The following TMEM132D variants were observed in gnomAD, a reference collection of about 807,000 sequenced individuals.
TMEM132D encodes the protein mature OL transmembrane protein.
A neutral mutation model predicts 62.3 loss-of-function variants in TMEM132D; 21 were observed. The ratio of observed to expected loss-of-function variants is 0.34; its 90% CI spans 0.24 to 0.49. TMEM132D has a LOEUF of 0.49. Ranked by LOEUF, TMEM132D falls within the 20% of genes least tolerant of loss-of-function variation. The pLI is 0.99. For synonymous variants in TMEM132D, 621 were observed against 575.6 expected (o/e 1.08, Z -1.13); for missense variants, 1,346 against 1,402.8 (o/e 0.96, Z 0.65).
intron 5 of TMEM132D, among the ~76,000 whole-genome samples, chr12:129,122,214 C>T (rs916650782): frequency 1.3e-5 from 2 of 152,244 alleles, no homozygotes; most frequent in Admixed American, 6.5e-5. Flanking sequence ...GCAGAGCTCA[C>T]CTTCCTTCCT....
In TMEM132D at chr12:129,690,011, T is replaced by C. The variant is rs114159924; in HGVS notation, c.968+9799A>G. On this transcript the variant is annotated intron_variant, in intron 2 of 8. Transcript: ENST00000422113. Reference sequence around the variant, plus strand: ...TAAAATAATTTTTTCTTTTTCTTAATTGATCAACATATACTGTTTGTTTAA... The same window carrying C: ...TAAAATAATTTTTTCTTTTTCTTAACTGATCAACATATACTGTTTGTTTAA... Among the ~76,000 whole-genome samples, 888 of 152,294 alleles carry C rather than the reference T, an allele frequency of 5.8e-3. 11 individuals carry two copies. Among genetic ancestry groups the C allele is most frequent in the African/African-American group, 0.02 (843 of 41,558 alleles).
At chr12:129,118,115 T>G (rs1230676467) in intron 5 of TMEM132D, among the ~76,000 whole-genome samples, 1 of 152,262 alleles carries the variant, frequency 6.6e-6, no homozygotes, top group Non-Finnish European at 1.5e-5. Flanking sequence ...GCCACCTTGG[T>G]ATGTTCTGTG....
intron 1 of TMEM132D, among the ~76,000 whole-genome samples, chr12:129,752,323 G>A (rs1870026490): frequency 1.3e-5 from 2 of 152,150 alleles, no homozygotes; most frequent in Admixed American, 6.5e-5. Flanking sequence ...CCAAGAGTGT[G>A]AGACTTAAGT....
intron 3 of TMEM132D, among the ~76,000 whole-genome samples, chr12:129,355,861 AG>A (rs1870025278): frequency 6.6e-6 from 1 of 152,128 alleles, no homozygotes; most frequent in Admixed American, 6.5e-5. Context: ...TGGCCCTTGG[AG>A]GGGCCCTCAC....
intron 1 of TMEM132D, among the ~76,000 whole-genome samples, chr12:129,796,452 G>A (rs1287422498): frequency 6.6e-6 from 1 of 151,882 alleles, no homozygotes; most frequent in African/African-American, 2.4e-5. Flanking sequence ...AAACATTTAG[G>A]TTCAGGGGTA....
At chr12:129,185,981 A>G (rs1309273194) in intron 5 of TMEM132D, among the ~76,000 whole-genome samples, 1 of 152,160 alleles carries the variant, frequency 6.6e-6, no homozygotes, top group Non-Finnish European at 1.5e-5. Flanking sequence ...GTTGCCAAAA[A>G]CCATACTTTC....
chr12:129,644,245 G>A (rs529115356), intron 2 of TMEM132D, among the ~76,000 whole-genome samples: 3 of 152,228 alleles, frequency 2.0e-5, no homozygotes, highest in Middle Eastern at 3.4e-3. Flanking sequence ...GCTGTGTCAC[G>A]GGCATGCACC....
At chr12:129,472,522 C>G (rs1874122748) in intron 3 of TMEM132D, among the ~76,000 whole-genome samples, 1 of 151,998 alleles carries the variant, frequency 6.6e-6, no homozygotes, top group South Asian at 2.1e-4. Flanking sequence ...ATAGGTGCAG[C>G]AAACCACTAT....
At chr12:129,659,781 T>C (rs1880189612) in intron 2 of TMEM132D, among the ~76,000 whole-genome samples, 1 of 152,222 alleles carries the variant, frequency 6.6e-6, no homozygotes, top group Non-Finnish European at 1.5e-5. Flanking sequence ...CTCTAAAAAA[T>C]AGCTATTTTA....
At chr12:129,660,832 A>G (rs1466962879) in intron 2 of TMEM132D, among the ~76,000 whole-genome samples, 1 of 152,104 alleles carries the variant, frequency 6.6e-6, no homozygotes, top group African/African-American at 2.4e-5. Context: ...TTTCTATCCT[A>G]TGTTCTCAAA....
At chr12:129,753,961 C>G (rs1469273697) in intron 1 of TMEM132D, among the ~76,000 whole-genome samples, 2 of 152,176 alleles carry the variant, frequency 1.3e-5, no homozygotes, top group African/African-American at 4.8e-5. Context: ...GTCAAATTCC[C>G]CTTTATGTTC....
intron 4 of TMEM132D, among the ~76,000 whole-genome samples, chr12:129,321,202 A>G (rs994926313): frequency 6.6e-6 from 1 of 152,214 alleles, no homozygotes; most frequent in African/African-American, 2.4e-5. Context: ...TGGAGATGTT[A>G]TAGAGAGAAT....
At chr12:129,633,919 C>T (rs1302720271) in intron 2 of TMEM132D, among the ~76,000 whole-genome samples, 2 of 152,124 alleles carry the variant, frequency 1.3e-5, no homozygotes, top group African/African-American at 4.8e-5. Flanking sequence ...GACATGCCTT[C>T]CCACCTAAGT....
At chr12:129,618,531 T>C (rs1878981542) in intron 2 of TMEM132D, among the ~76,000 whole-genome samples, 2 of 152,228 alleles carry the variant, frequency 1.3e-5, no homozygotes, top group African/African-American at 4.8e-5. Context: ...GTAGACTATA[T>C]GTTCTCTTAA....
intron 3 of TMEM132D, among the ~76,000 whole-genome samples, chr12:129,352,087 AGT>A (rs1209559841): frequency 8.5e-5 from 13 of 152,182 alleles, no homozygotes; most frequent in Non-Finnish European, 1.9e-4. Context: ...AGGGCTGGAA[AGT>A]GAGGCTGGGA....
At chr12:129,482,276 T>C (rs1024488249) in intron 3 of TMEM132D, among the ~76,000 whole-genome samples, 2 of 152,212 alleles carry the variant, frequency 1.3e-5, no homozygotes, top group African/African-American at 4.8e-5. Context: ...GTCCCTCGGT[T>C]GAGGAACGGT....
At chr12:129,875,705 G>A (rs1487497513) in intron 1 of TMEM132D, among the ~76,000 whole-genome samples, 14 of 152,264 alleles carry the variant, frequency 9.2e-5, no homozygotes, top group Non-Finnish European at 2.9e-5. Context: ...GGAGGCAACG[G>A]GAAAAGCATG....
At chr12:129,829,150 T>G (rs1030709251) in intron 1 of TMEM132D, among the ~76,000 whole-genome samples, 17 of 152,152 alleles carry the variant, frequency 1.1e-4, no homozygotes, top group African/African-American at 3.4e-4. Context: ...GCAGCATTCC[T>G]AGCTGATATG....
intron 1 of TMEM132D, among the ~76,000 whole-genome samples, chr12:129,709,405 G>A (rs1007619669): frequency 6.6e-6 from 1 of 152,170 alleles, no homozygotes; most frequent in African/African-American, 2.4e-5. Flanking sequence ...TATTAGAATA[G>A]ACAAGGAAAT....
Sources: allele counts gnomAD v4.1 joint callset (sites outside exome capture counted in the v4.1 genomes callset), GRCh38; gene constraint gnomAD v4.1.1; transcripts MANE v1.5; gene names NCBI Gene and HGNC (gene_info 2026-07-23, HGNC 2026-07-21).